ADARB2: variants seen among roughly 807,000 people sequenced by gnomAD.
ADARB2 encodes adenosine deaminase RNA specific B2 (inactive).
Under a neutral mutation model 62.2 loss-of-function variants are expected in ADARB2, and 25 were observed. That is an observed-to-expected ratio of 0.40 (90% CI 0.29 to 0.56). The LOEUF (loss-of-function observed/expected upper bound fraction) is 0.56. Among genes scored for constraint, ADARB2 ranks in the 20% least tolerant of loss-of-function variants. ADARB2 has a pLI of 0.43. For synonymous variants in ADARB2, 572 were observed against 500.8 expected (o/e 1.14, Z -1.90); for missense variants, 1,071 against 1,077.4 (o/e 0.99, Z 0.08).
At chr10:1,327,103 TCCCCACGGCACAGCG>T (rs1831865932) in intron 3 of ADARB2, among the ~76,000 whole-genome samples, 2 of 95,520 alleles carry the variant, frequency 2.1e-5, no homozygotes, top group Admixed American at 2.0e-4. Flanking sequence ...GCACAGCGCC[TCCCCACGGCACAGCG>T]CCTCACTGCA....
intron 7 of ADARB2, chr10:1,215,876 G>C (rs750230514): frequency 6.6e-6 from 1 of 152,276 alleles, no homozygotes; most frequent in East Asian, 1.9e-4. Context: ...CAATGTGGGG[G>C]AGGTCTAGGG....
rs147381169 is a variant in ADARB2 at position 1,489,429 on chromosome 10, A to G, written c.101-110269T>C. On this transcript the variant is annotated intron_variant, in intron 1 of 9. Coordinates refer to ENST00000381312, the MANE Select transcript of ADARB2 (RefSeq NM_018702.4). ...GTGGATCTACCCAAGTCGTCTGGTC[A>G]CAGTTCTCAGTATCCTCTGATCTAA... 6.4e-3 allele frequency among the ~76,000 whole-genome samples: 978 copies of G among 152,324 alleles called. 11 individuals are homozygous for G. The highest frequency in any genetic ancestry group is 0.037 in the South Asian group (178 of 4,822).
intron 9 of ADARB2, 152 bp downstream of exon 9, chr10:1,184,709 C>G (rs1344062129): frequency 2.2e-6 from 2 of 896,198 alleles, no homozygotes; most frequent in Admixed American, 3.1e-5. Flanking sequence ...ACGCTGCTGG[C>G]CTGGGCAGCT....
At chr10:1,479,370 G>A (rs1831440477) in intron 1 of ADARB2, among the ~76,000 whole-genome samples, 1 of 152,154 alleles carries the variant, frequency 6.6e-6, no homozygotes, top group Non-Finnish European at 1.5e-5. Flanking sequence ...GACAAGTTAG[G>A]GATAGCAGAT....
intron 1 of ADARB2, among the ~76,000 whole-genome samples, chr10:1,608,998 C>T (rs1158240795): frequency 2.0e-5 from 3 of 152,122 alleles, no homozygotes; most frequent in East Asian, 1.9e-4. Flanking sequence ...GCTGCCCCTG[C>T]GGATTGCACG....
intron 3 of ADARB2, chr10:1,290,367 G>A (rs1301977936): frequency 6.6e-6 from 1 of 152,296 alleles, no homozygotes; most frequent in African/African-American, 2.4e-5. Flanking sequence ...CCTCCCTCCT[G>A]GTCGGCGGAA....
chr10:1,630,124 C>T (rs1334640574), intron 1 of ADARB2, among the ~76,000 whole-genome samples: 1 of 152,146 alleles, frequency 6.6e-6, no homozygotes, highest in African/African-American at 2.4e-5. Context: ...GGTCCTTTGG[C>T]TTTGAGTGTT....
At chr10:1,713,541 T>C (rs1834978334) in intron 1 of ADARB2, among the ~76,000 whole-genome samples, 1 of 152,158 alleles carries the variant, frequency 6.6e-6, no homozygotes, top group South Asian at 2.1e-4. Flanking sequence ...GCTGCAAGAC[T>C]TTCTCACGTG....
At chr10:1,349,259 C>A (rs375780590) in intron 3 of ADARB2, among the ~76,000 whole-genome samples, 4 of 152,136 alleles carry the variant, frequency 2.6e-5, no homozygotes, top group African/African-American at 9.7e-5. Context: ...AGAACAACCC[C>A]CCTTCTTCCT....
At chr10:1,446,143 G>T (rs1224081897) in intron 1 of ADARB2, among the ~76,000 whole-genome samples, 1 of 152,194 alleles carries the variant, frequency 6.6e-6, no homozygotes, top group Non-Finnish European at 1.5e-5. Context: ...CTGAAATAAG[G>T]TTGTGTTTTT....
chr10:1,481,856 C>CAA (rs34445492), intron 1 of ADARB2, among the ~76,000 whole-genome samples: 4,591 of 134,886 alleles, frequency 0.034, 142 homozygotes, highest in African/African-American at 0.076. Context: ...GACTCCATCT[C>CAA]AAAAAAAAAA....
intron 1 of ADARB2, among the ~76,000 whole-genome samples, chr10:1,672,721 C>T (rs1003009119): frequency 4.0e-5 from 6 of 150,806 alleles, no homozygotes; most frequent in African/African-American, 1.2e-4. Context: ...CCTGCCTCCT[C>T]CACGCACCGC....
chr10:1,685,957 G>A (rs551163728), intron 1 of ADARB2, among the ~76,000 whole-genome samples: 1 of 152,342 alleles, frequency 6.6e-6, no homozygotes, highest in East Asian at 1.9e-4. Flanking sequence ...ACTCTGCCTG[G>A]CTTGGACACT....
chr10:1,469,840 G>T (rs950277812), intron 1 of ADARB2, among the ~76,000 whole-genome samples: 1 of 152,218 alleles, frequency 6.6e-6, no homozygotes, highest in African/African-American at 2.4e-5. Context: ...GCATTGCACA[G>T]GGGAAGTGGA....
chr10:1,646,905 G>A (rs975786646), intron 1 of ADARB2, among the ~76,000 whole-genome samples: 1 of 152,190 alleles, frequency 6.6e-6, no homozygotes, highest in Non-Finnish European at 1.5e-5. Context: ...GCGTGCCTGC[G>A]ACCAGCATGC....
intron 1 of ADARB2, among the ~76,000 whole-genome samples, chr10:1,515,773 G>A (rs1024646540): frequency 6.6e-6 from 1 of 152,206 alleles, no homozygotes; most frequent in Non-Finnish European, 1.5e-5. Flanking sequence ...TGCAGGAAGC[G>A]GCCAGCCACT....
At chr10:1,518,238 G>A (rs571259562) in intron 1 of ADARB2, among the ~76,000 whole-genome samples, 2 of 152,184 alleles carry the variant, frequency 1.3e-5, no homozygotes, top group Non-Finnish European at 2.9e-5. Context: ...AAGCAGTGAA[G>A]TCAGAAAAAG....
At chr10:1,260,260 C>T (rs1390966988) in intron 4 of ADARB2, among the ~76,000 whole-genome samples, 1 of 152,176 alleles carries the variant, frequency 6.6e-6, no homozygotes, top group Non-Finnish European at 1.5e-5. Context: ...GATGCCCTCT[C>T]TCACCACTCC....
At chr10:1,224,126 T>C (rs1825048111) in intron 6 of ADARB2, among the ~76,000 whole-genome samples, 1 of 152,190 alleles carries the variant, frequency 6.6e-6, no homozygotes, top group African/African-American at 2.4e-5. Flanking sequence ...TATTCAGAGA[T>C]TCAGCTTCTT....
Sources: allele counts gnomAD v4.1 joint callset (sites outside exome capture counted in the v4.1 genomes callset), GRCh38; gene constraint gnomAD v4.1.1; transcripts MANE v1.5; gene names NCBI Gene and HGNC (gene_info 2026-07-23, HGNC 2026-07-21).